The following RSU1 variants were observed in gnomAD, a reference collection of about 807,000 sequenced individuals.
RSU1 encodes Ras suppressor protein 1.
RSU1 carries 26 observed loss-of-function variants against 31.1 expected under a neutral mutation model. The observed-to-expected ratio is 0.84, with a 90% CI of 0.61 to 1.16. RSU1 has a LOEUF of 1.16. Among genes scored for constraint, RSU1 ranks in the 50% most tolerant of loss-of-function variants. The pLI is 0.00. For missense variants in RSU1, 320 were observed against 339.1 expected (o/e 0.94, Z 0.44); for synonymous variants, 164 against 136.3 (o/e 1.20, Z -1.41).
chr10:16,653,157 A>C (rs1258341342), intron 8 of RSU1, among the ~76,000 whole-genome samples: 1 of 152,192 alleles, frequency 6.6e-6, no homozygotes, highest in East Asian at 1.9e-4. Flanking sequence ...GAGGCAAGCA[A>C]AGAAAGGGAA....
intron 8 of RSU1, among the ~76,000 whole-genome samples, chr10:16,666,169 C>A (rs1288835028): frequency 6.6e-6 from 1 of 152,072 alleles, no homozygotes; most frequent in African/African-American, 2.4e-5. Context: ...TACAGCTATT[C>A]TAGGTCTGTA....
intron 8 of RSU1, among the ~76,000 whole-genome samples, chr10:16,622,968 C>T (rs1834095420): frequency 6.6e-6 from 1 of 152,012 alleles, no homozygotes; most frequent in Non-Finnish European, 1.5e-5. Context: ...TACAACTCAA[C>T]TTGAAAAAAA....
At chr10:16,805,521 AAAAAG>A (rs1286232480) in intron 2 of RSU1, among the ~76,000 whole-genome samples, 5 of 150,666 alleles carry the variant, frequency 3.3e-5, no homozygotes, top group Non-Finnish European at 7.4e-5. Context: ...AATACAAAAA[AAAAAG>A]TTAGCCAGGC....
intron 8 of RSU1, among the ~76,000 whole-genome samples, chr10:16,664,629 G>A (rs1834953377): frequency 6.6e-6 from 1 of 152,106 alleles, no homozygotes; most frequent in Non-Finnish European, 1.5e-5. Flanking sequence ...CTTGACCTAT[G>A]GGAACTACAC....
intron 7 of RSU1, among the ~76,000 whole-genome samples, chr10:16,745,523 T>C (rs1429923016): frequency 1.3e-5 from 2 of 152,140 alleles, no homozygotes; most frequent in Non-Finnish European, 2.9e-5. Context: ...AGTCACATCT[T>C]ACATGAATGG....
At chr10:16,627,898 G>A (rs1031436057) in intron 8 of RSU1, among the ~76,000 whole-genome samples, 4 of 151,724 alleles carry the variant, frequency 2.6e-5, no homozygotes, top group East Asian at 1.9e-4. Context: ...CCTTCTTTCC[G>A]CCTCCTGTTG....
chr10:16,767,114 T>C (rs1837329413), intron 3 of RSU1: 1 of 151,946 alleles, frequency 6.6e-6, no homozygotes, highest in Non-Finnish European at 1.5e-5. Context: ...AGTATATACA[T>C]TACAGCTGCC....
chr10:16,642,242 G>C (rs977722254), intron 8 of RSU1, among the ~76,000 whole-genome samples: 1 of 152,156 alleles, frequency 6.6e-6, no homozygotes, highest in Non-Finnish European at 1.5e-5. Context: ...GGCAGGTAGG[G>C]AGGAGGAAAA....
chr10:16,649,451 G>T (rs1047511905), intron 8 of RSU1, among the ~76,000 whole-genome samples: 2 of 152,054 alleles, frequency 1.3e-5, no homozygotes, highest in Non-Finnish European at 2.9e-5. Context: ...CTCCTAAGAG[G>T]TACTCGAAAT....
At chr10:16,706,428 C>T in intron 7 of RSU1, among the ~76,000 whole-genome samples, 1 of 152,146 alleles carries the variant, frequency 6.6e-6, no homozygotes, top group South Asian at 2.1e-4. Context: ...AAGTCCCTTG[C>T]CATTTTTCAA....
chr10:16,616,517 G>A, intron 8 of RSU1, among the ~76,000 whole-genome samples: 1 of 152,032 alleles, frequency 6.6e-6, no homozygotes, highest in East Asian at 1.9e-4. Context: ...CATTTTATGA[G>A]GCCAGCATCA....
chr10:16,805,692 T>C (rs1389323110), intron 2 of RSU1, among the ~76,000 whole-genome samples: 1 of 151,878 alleles, frequency 6.6e-6, no homozygotes, highest in Non-Finnish European at 1.5e-5. Flanking sequence ...AAGCTTTTTT[T>C]TTTTTAAAGA....
intron 3 of RSU1, among the ~76,000 whole-genome samples, chr10:16,766,060 G>T (rs3780979): frequency 0.17 from 25,855 of 152,240 alleles, 2,273 homozygotes; most frequent in Middle Eastern, 0.22. Context: ...AAATGTCTAA[G>T]GTATCACTGG....
intron 7 of RSU1, among the ~76,000 whole-genome samples, chr10:16,743,080 T>C (rs991967409): frequency 3.9e-5 from 6 of 152,214 alleles, no homozygotes; most frequent in African/African-American, 9.7e-5. Flanking sequence ...GAAATATTAA[T>C]GCAGAATTAA....
At chr10:16,617,759 C>T (rs1243868542) in intron 8 of RSU1, among the ~76,000 whole-genome samples, 1 of 152,210 alleles carries the variant, frequency 6.6e-6, no homozygotes, top group East Asian at 1.9e-4. Context: ...ATTAATGGTG[C>T]TGTGAAAACT....
chr10:16,812,970 G>A (rs933594374), intron 2 of RSU1, among the ~76,000 whole-genome samples: 2 of 143,654 alleles, frequency 1.4e-5, no homozygotes, highest in Non-Finnish European at 3.0e-5. Context: ...GCAGCATTAC[G>A]ATTATGCTGG....
At chr10:16,624,516 G>A (rs1156951779) in intron 8 of RSU1, among the ~76,000 whole-genome samples, 2 of 151,982 alleles carry the variant, frequency 1.3e-5, no homozygotes, top group Admixed American at 1.3e-4. Flanking sequence ...AACCACCCTT[G>A]TGCCCCAGAC....
chr10:16,772,890 G>C (rs1045308735), intron 3 of RSU1, among the ~76,000 whole-genome samples: 1 of 152,158 alleles, frequency 6.6e-6, no homozygotes, highest in African/African-American at 2.4e-5. Context: ...TTTGTCATTA[G>C]TTTCTGTCTT....
Position 16,695,057 on chromosome 10 carries a change from C to T in RSU1, c.697G>A (p.Val233Ile), listed in dbSNP as rs1207933821. The T allele has an allele frequency of 6.2e-7, 1 of 1,613,022 alleles. No homozygotes were observed. Among genetic ancestry groups the T allele is most frequent in the African/African-American group, 1.3e-5 (1 of 74,708 alleles). ...ADQFQLGVSH[V>I]FEYIRSETYK... Reference sequence around the variant, plus strand: ...GTCTCAGAACGGATATACTCAAAAACATGGGACACGCCAAGCTGGAACTGG... The same window carrying T: ...GTCTCAGAACGGATATACTCAAAAATATGGGACACGCCAAGCTGGAACTGG... Residue 233 changes from valine to isoleucine, a missense_variant, in exon 8 of 9, where the codon GTT (valine) becomes ATT (isoleucine). By Grantham distance (29) the Val-to-Ile change is conservative (BLOSUM62 3). Coordinates refer to ENST00000345264, the MANE Select transcript of RSU1 (RefSeq NM_012425.4).
Sources: gnomAD v4.1 joint callset for allele counts (sites outside exome capture counted in the v4.1 genomes callset) on GRCh38, gnomAD v4.1.1 for gene constraint, MANE v1.5 for transcripts, NCBI Gene and HGNC (gene_info 2026-07-23, HGNC 2026-07-21) for gene names.